Variants in AP4S1 observed in about 807,000 individuals in gnomAD.
The protein encoded by AP4S1 is AP-4 complex subunit sigma-1.
In AP4S1, 23 loss-of-function variants were observed where a neutral mutation model predicts 19.8. That is an observed-to-expected ratio of 1.16 (90% CI 0.84 to 1.65). AP4S1 has a LOEUF of 1.65. Ranked by LOEUF, AP4S1 falls within the 40% of genes most tolerant of loss-of-function variation. The probability of loss-of-function intolerance (pLI) is 0.00; values close to 1 mark genes in which losing one functional copy is unlikely to be tolerated. For synonymous variants in AP4S1, 46 were observed against 54.1 expected, an observed-to-expected ratio of 0.85 and a Z score of 0.66; for missense variants, 166 against 172.8, an observed-to-expected ratio of 0.96 and a Z score of 0.22.
intron 2 of AP4S1, among the ~76,000 whole-genome samples, chr14:31,067,516 A>ATTT (rs1243393448): frequency 5.5e-5 from 7 of 127,218 alleles, no homozygotes; most frequent in African/African-American, 2.0e-4. Flanking sequence ...AGTGAGAACA[A>ATTT]TTTTTTTTTT....
chr14:31,075,716 T>G (rs1436846665), intron 4 of AP4S1, among the ~76,000 whole-genome samples: 1 of 150,990 alleles, frequency 6.6e-6, no homozygotes, highest in African/African-American at 2.4e-5. Flanking sequence ...CCAGATGATA[T>G]TCCATTGTAT....
At chr14:31,073,403 T>A (rs1213961116) in intron 4 of AP4S1, among the ~76,000 whole-genome samples, 4 of 132,756 alleles carry the variant, frequency 3.0e-5, no homozygotes, top group African/African-American at 7.9e-5. Flanking sequence ...GGCAGGAGAA[T>A]GGCGTGAACC....
intron 4 of AP4S1, among the ~76,000 whole-genome samples, chr14:31,078,273 T>C (rs1277835965): frequency 6.6e-6 from 1 of 152,240 alleles, no homozygotes; most frequent in Non-Finnish European, 1.5e-5. Flanking sequence ...TAAAACTTTC[T>C]GCAGAGATAG....
intron 4 of AP4S1, chr14:31,073,317 C>A (rs112677610): frequency 0.39 from 84,012 of 217,712 alleles, 17,800 homozygotes; most frequent in South Asian, 0.53. Flanking sequence ...GGTGAAACCC[C>A]GTCTCTACTA....
At chr14:31,083,603 C>T in intron 5 of AP4S1, 1 of 445,128 alleles carries the variant, frequency 2.2e-6, no homozygotes, top group Non-Finnish European at 4.4e-6. Context: ...CTCCTGGGCT[C>T]AAGTGATCCT....
chr14:31,073,572 T>C (rs1208836296), intron 4 of AP4S1, among the ~76,000 whole-genome samples: 1 of 151,372 alleles, frequency 6.6e-6, no homozygotes, highest in African/African-American at 2.4e-5. Context: ...TCTTCTTCCC[T>C]CTGCTTTCTT....
chr14:31,083,039 A>C (rs1887735216), intron 5 of AP4S1, among the ~76,000 whole-genome samples: 1 of 152,220 alleles, frequency 6.6e-6, no homozygotes, highest in Non-Finnish European at 1.5e-5. Context: ...TGAGAGAGTT[A>C]ACGTGAATCA....
intron 5 of AP4S1, chr14:31,085,831 T>A (rs1262930120): frequency 3.0e-6 from 3 of 984,488 alleles, no homozygotes; most frequent in Non-Finnish European, 3.6e-6. Flanking sequence ...AAACTCAAAA[T>A]CTCAAAGACT....
intron 5 of AP4S1, among the ~76,000 whole-genome samples, chr14:31,091,323 C>T (rs1054349829): frequency 1.3e-5 from 2 of 152,138 alleles, no homozygotes; most frequent in African/African-American, 2.4e-5. Context: ...CCATTTTTCA[C>T]GTAGCCACCT....
Position 31,047,012 on chromosome 14 carries a change from C to T in AP4S1, c.-71-19114C>T, listed in dbSNP as rs1885450250. On this transcript the variant is annotated intron_variant, in intron 1 of 5. Coordinates refer to ENST00000542754, the MANE Select transcript of AP4S1 (RefSeq NM_001128126.3). ...GGTCTCCACATCTTAGCATTTGTTA[C>T]TGTCTGCCTTTTTTATTATAACCAT... Among the ~76,000 whole-genome samples, 3 of 152,136 alleles carry T rather than the reference C, an allele frequency of 2.0e-5. No individual in the cohort carries two copies. In the South Asian group the frequency reaches 6.2e-4, roughly 31 times the overall value.
At chr14:31,028,542 A>G (rs1884184914) in intron 1 of AP4S1, among the ~76,000 whole-genome samples, 1 of 152,144 alleles carries the variant, frequency 6.6e-6, no homozygotes, top group African/African-American at 2.4e-5. Context: ...AGGGGGCGTC[A>G]TAGCACATAA....
chr14:31,036,510 G>T (rs1884784436), intron 1 of AP4S1, among the ~76,000 whole-genome samples: 2 of 152,196 alleles, frequency 1.3e-5, no homozygotes, highest in South Asian at 4.1e-4. Flanking sequence ...TTTTAGTAAT[G>T]TTACTAAATT....
chr14:31,056,707 A>G (rs924908338), intron 1 of AP4S1, among the ~76,000 whole-genome samples: 5 of 152,164 alleles, frequency 3.3e-5, no homozygotes, highest in African/African-American at 1.2e-4. Flanking sequence ...TTCCAGATTA[A>G]TTGTGCAGCG....
At chr14:31,053,003 C>T (rs568524269) in intron 1 of AP4S1, among the ~76,000 whole-genome samples, 10 of 140,788 alleles carry the variant, frequency 7.1e-5, no homozygotes, top group East Asian at 2.1e-4. Context: ...TGCAATGGCA[C>T]GGTCTCAGCT....
intron 5 of AP4S1, chr14:31,085,607 C>A: frequency 1.2e-6 from 1 of 853,344 alleles, no homozygotes; most frequent in Non-Finnish European, 1.4e-6. Flanking sequence ...GACCCAGTCT[C>A]TACAAAAAAA....
intron 1 of AP4S1, among the ~76,000 whole-genome samples, chr14:31,049,429 ATATATATAT>A (rs1395277469): frequency 0.098 from 3,499 of 35,882 alleles, 242 homozygotes; most frequent in Non-Finnish European, 0.11. Flanking sequence ...AAAAAAAAAA[ATATATATAT>A]ATATATATAT....
chr14:31,046,365 T>G (rs1885404644), intron 1 of AP4S1, among the ~76,000 whole-genome samples: 3 of 152,210 alleles, frequency 2.0e-5, no homozygotes, highest in African/African-American at 7.2e-5. Context: ...TGGACATTTC[T>G]TATTAGTAGA....
chr14:31,041,952 C>T (rs964443499), intron 1 of AP4S1, among the ~76,000 whole-genome samples: 13 of 152,322 alleles, frequency 8.5e-5, no homozygotes, highest in Middle Eastern at 3.4e-3. Context: ...CTTCAGCCTC[C>T]GTAGTAGCTG....
At chr14:31,026,008 G>A (rs1350848810) in intron 1 of AP4S1, 3 of 1,551,554 alleles carry the variant, frequency 1.9e-6, no homozygotes, top group Admixed American at 3.9e-5. Context: ...TACTGCTGCG[G>A]CCGGGACAGC....
Sources: allele counts gnomAD v4.1 joint callset (sites outside exome capture counted in the v4.1 genomes callset), GRCh38; gene constraint gnomAD v4.1.1; transcripts MANE v1.5; gene names NCBI Gene and HGNC (gene_info 2026-07-23, HGNC 2026-07-21).